CCDC171: variants seen among roughly 807,000 people sequenced by gnomAD.
The protein encoded by CCDC171 is coiled-coil domain containing 171, also known as coiled-coil domain-containing protein 171.
CCDC171 carries 177 observed loss-of-function variants against 168.2 expected under a neutral mutation model. The observed-to-expected ratio is 1.05, with a 90% CI of 0.93 to 1.19. The LOEUF is 1.19. Ranked by LOEUF, CCDC171 falls within the 50% of genes most tolerant of loss-of-function variation. The pLI, the probability that CCDC171 is intolerant of heterozygous loss-of-function variation, is 0.00. For missense variants in CCDC171, 1,991 were observed against 1,539.0 expected (o/e 1.29, Z -4.91); for synonymous variants, 687 against 540.8 (o/e 1.27, Z -3.75).
chr9:15,795,784 G>T (rs928764915), intron 21 of CCDC171, among the ~76,000 whole-genome samples: 3 of 152,200 alleles, frequency 2.0e-5, no homozygotes, highest in Non-Finnish European at 2.9e-5. Flanking sequence ...AGGACTGTGG[G>T]TGGGAAAAGT....
Position 15,938,198 on chromosome 9 carries a change from C to T in CCDC171, c.3753+17776C>T, listed in dbSNP as rs533761990. ...TCCCAGAGAGAATATGTAATTTGCTCAATACCATGCTGTTTGGGTCTAGAC... is the reference window on the plus strand; with the variant it reads ...TCCCAGAGAGAATATGTAATTTGCTTAATACCATGCTGTTTGGGTCTAGAC... On this transcript the variant is annotated intron_variant, in intron 25 of 25. Transcript: ENST00000380701. Among the ~76,000 whole-genome samples the T allele has an allele frequency of 2.6e-5, 4 of 151,824 alleles. No individual in the cohort carries two copies. The East Asian group carries it at 5.9e-4, about 22-fold the overall frequency.
At chr9:15,622,031 C>T (rs755123114) in intron 6 of CCDC171, among the ~76,000 whole-genome samples, 17 of 152,162 alleles carry the variant, frequency 1.1e-4, no homozygotes, top group Non-Finnish European at 2.4e-4. Flanking sequence ...AACACAGGAA[C>T]AGAAAACCAA....
intron 18 of CCDC171, among the ~76,000 whole-genome samples, chr9:15,752,427 T>G (rs2055814758): frequency 6.6e-6 from 1 of 152,190 alleles, no homozygotes; most frequent in African/African-American, 2.4e-5. Flanking sequence ...TTGTAAATCA[T>G]GCTACTATAA....
intron 18 of CCDC171, among the ~76,000 whole-genome samples, chr9:15,761,374 G>C (rs952172473): frequency 2.0e-5 from 3 of 152,142 alleles, no homozygotes; most frequent in South Asian, 2.1e-4. Flanking sequence ...TACTGGTATT[G>C]ATAAGCAGCT....
intron 18 of CCDC171, among the ~76,000 whole-genome samples, chr9:15,746,523 A>G (rs892016622): frequency 1.3e-5 from 2 of 152,254 alleles, no homozygotes; most frequent in Non-Finnish European, 2.9e-5. Context: ...TCTAAACTAA[A>G]TGTATTTTAA....
At chr9:15,587,812 A>G (rs1438556161) in intron 4 of CCDC171, 2 of 265,718 alleles carry the variant, frequency 7.5e-6, no homozygotes, top group African/African-American at 2.2e-5. Flanking sequence ...GAAGAAATCA[A>G]CTTAGAAGAA....
At chr9:15,589,535 G>A (rs989535276) in intron 4 of CCDC171, among the ~76,000 whole-genome samples, 2 of 152,156 alleles carry the variant, frequency 1.3e-5, no homozygotes, top group African/African-American at 4.8e-5. Flanking sequence ...TAAACTCTCT[G>A]TTGAGAACAT....
At position 15,874,516 on chromosome 9, in the gene CCDC171, G is replaced by A. The variant is rs753877089; in HGVS notation, c.3469-16G>A. ...CTGAAGGGGAATTACCATTGATGCT[G>A]TTTTTTTCCCTTTAGGTCAGAGATC... On this transcript the variant is annotated splice_polypyrimidine_tract_variant and intron_variant, in intron 23 of 25. Transcript: ENST00000380701. The A allele has an allele frequency of 1.3e-5, 20 of 1,581,146 alleles. 1 individual carries two copies. In the Admixed American group the frequency reaches 2.1e-4, roughly 17 times the overall value.
chr9:15,862,630 G>GAA (rs35789508), intron 23 of CCDC171, among the ~76,000 whole-genome samples: 2 of 143,030 alleles, frequency 1.4e-5, no homozygotes, highest in South Asian at 4.4e-4. Flanking sequence ...GCATTAAGGA[G>GAA]AAAAAAAAAA....
chr9:15,854,168 G>A (rs2061258259), intron 23 of CCDC171, among the ~76,000 whole-genome samples: 1 of 150,830 alleles, frequency 6.6e-6, no homozygotes, highest in South Asian at 2.1e-4. Context: ...AAGAATTTGA[G>A]AGAGATTAGT....
chr9:15,958,826 G>C (rs1830072120), intron 25 of CCDC171, among the ~76,000 whole-genome samples: 1 of 152,074 alleles, frequency 6.6e-6, no homozygotes, highest in Non-Finnish European at 1.5e-5. Context: ...TATCCAAGGG[G>C]TCATAACAGA....
chr9:15,695,136 T>C (rs1423268491), intron 10 of CCDC171, 99 bp from the exon 11 acceptor site: 1 of 735,618 alleles, frequency 1.4e-6, no homozygotes, highest in African/African-American at 1.8e-5. Context: ...TTGAATGGAA[T>C]CATTATCTTG....
intron 24 of CCDC171, chr9:15,889,017 A>G (rs1179173269): frequency 7.9e-6 from 1 of 126,976 alleles, no homozygotes; most frequent in Non-Finnish European, 1.5e-5. Context: ...GGAGTGCAGC[A>G]GTGCGATCTC....
At chr9:16,042,318 C>T (rs1300014255), upstream of CCDC171, among the ~76,000 whole-genome samples, 1 of 152,090 alleles carries the variant, frequency 6.6e-6, no homozygotes, top group Non-Finnish European at 1.5e-5. Flanking sequence ...AAGAGAAAGC[C>T]CTTATGAAGA....
chr9:16,095,461 T>C, the CCDC171 span, among the ~76,000 whole-genome samples: 16 of 152,012 alleles, frequency 1.1e-4, no homozygotes, highest in African/African-American at 3.9e-4. Context: ...ACACTTTCTT[T>C]CTCTCTCCCC....
intron 25 of CCDC171, among the ~76,000 whole-genome samples, chr9:15,929,376 A>G (rs1927696): frequency 0.51 from 77,047 of 151,452 alleles, 20,528 homozygotes; most frequent in African/African-American, 0.67. Context: ...CCTATTAAAC[A>G]TCTGCACTTT....
the CCDC171 span, among the ~76,000 whole-genome samples, chr9:16,108,259 A>G: frequency 3.3e-5 from 5 of 152,228 alleles, no homozygotes; most frequent in African/African-American, 1.2e-4. Context: ...TTCCAGGCTC[A>G]ACATGTATTC....
At chr9:15,608,156 T>C (rs1008011228) in intron 6 of CCDC171, among the ~76,000 whole-genome samples, 3 of 152,268 alleles carry the variant, frequency 2.0e-5, no homozygotes, top group Admixed American at 6.5e-5. Flanking sequence ...TAATCCATGA[T>C]TGGATTAACC....
intron 3 of CCDC171, among the ~76,000 whole-genome samples, chr9:15,575,927 A>G (rs2040614459): frequency 6.6e-6 from 1 of 152,126 alleles, no homozygotes; most frequent in African/African-American, 2.4e-5. Flanking sequence ...CCCTGTCTCT[A>G]CTAAAAATGC....
Sources: gnomAD v4.1 joint callset for allele counts (sites outside exome capture counted in the v4.1 genomes callset) on GRCh38, gnomAD v4.1.1 for gene constraint, MANE v1.5 for transcripts, NCBI Gene and HGNC (gene_info 2026-07-23, HGNC 2026-07-21) for gene names.